Variants in WDFY3 observed in about 807,000 individuals in gnomAD.
WDFY3 encodes the protein WD repeat and FYVE domain containing 3.
Under a neutral mutation model 409.6 loss-of-function variants are expected in WDFY3, and 66 were observed. The observed-to-expected ratio is 0.16, with a 90% CI of 0.13 to 0.20. The LOEUF (loss-of-function observed/expected upper bound fraction) is 0.20. Ranked by LOEUF, WDFY3 falls within the 10% of genes least tolerant of loss-of-function variation. The pLI, the probability that WDFY3 is intolerant of heterozygous loss-of-function variation, is 1.00. For synonymous variants in WDFY3, 1,521 were observed against 1,537.1 expected (o/e 0.99, Z 0.25); for missense variants, 3,031 against 4,298.1 (o/e 0.71, Z 8.24).
intron 9 of WDFY3, among the ~76,000 whole-genome samples, chr4:84,828,614 G>T (rs538960132): frequency 3.9e-5 from 6 of 152,176 alleles, no homozygotes; most frequent in Non-Finnish European, 8.8e-5. Context: ...ATAAAAAGAA[G>T]GGAATAGGCC....
At chr4:84,913,627 A>G (rs114610534) in intron 2 of WDFY3, among the ~76,000 whole-genome samples, 1,713 of 152,254 alleles carry the variant, frequency 0.011, 28 homozygotes, top group African/African-American at 0.04. Context: ...ACATTAGACA[A>G]TCTGAAGAAG....
chr4:84,900,832 T>TA (rs1356679791), intron 2 of WDFY3, among the ~76,000 whole-genome samples: 1 of 152,234 alleles, frequency 6.6e-6, no homozygotes, highest in Non-Finnish European at 1.5e-5. Context: ...TTTTACTTTG[T>TA]AATAATCTAA....
At chr4:84,955,601 T>C (rs1774146414) in intron 1 of WDFY3, among the ~76,000 whole-genome samples, 1 of 152,210 alleles carries the variant, frequency 6.6e-6, no homozygotes, top group African/African-American at 2.4e-5. Context: ...AGTTATAAGA[T>C]ATTACTAATG....
intron 2 of WDFY3, among the ~76,000 whole-genome samples, chr4:84,928,396 T>C (rs1770290391): frequency 6.6e-6 from 1 of 152,184 alleles, no homozygotes; most frequent in South Asian, 2.1e-4. Flanking sequence ...ATGGTGAGAC[T>C]TCTCAGTCTC....
intron 10 of WDFY3, among the ~76,000 whole-genome samples, chr4:84,825,213 A>C (rs1754677885): frequency 6.6e-6 from 1 of 152,186 alleles, no homozygotes; most frequent in Non-Finnish European, 1.5e-5. Flanking sequence ...TATCAACATC[A>C]CATTGATAAA....
chr4:84,695,172 A>AG (rs1240482493), intron 58 of WDFY3, among the ~76,000 whole-genome samples: 1 of 152,074 alleles, frequency 6.6e-6, no homozygotes, highest in Non-Finnish European at 1.5e-5. Context: ...GGATGACAGA[A>AG]GGGATGAGGT....
chr4:84,938,915 T>C (rs1222062770), intron 1 of WDFY3, among the ~76,000 whole-genome samples: 1 of 152,180 alleles, frequency 6.6e-6, no homozygotes, highest in East Asian at 1.9e-4. Context: ...TACTTTCTCT[T>C]ATAAGGAAAG....
At chr4:84,922,540 T>C (rs950204554) in intron 2 of WDFY3, among the ~76,000 whole-genome samples, 1 of 152,214 alleles carries the variant, frequency 6.6e-6, no homozygotes, top group Non-Finnish European at 1.5e-5. Context: ...ATTCAGTCTA[T>C]AGCTGGGCTC....
At chr4:84,896,550 T>C (rs528639329) in intron 3 of WDFY3, among the ~76,000 whole-genome samples, 13 of 152,268 alleles carry the variant, frequency 8.5e-5, no homozygotes, top group Admixed American at 7.2e-4. Flanking sequence ...TAAAAGACCA[T>C]ACTGAAAAGA....
chr4:84,674,556 G>A (rs1348581254), intron 67 of WDFY3, among the ~76,000 whole-genome samples: 1 of 146,982 alleles, frequency 6.8e-6, no homozygotes, highest in African/African-American at 2.5e-5. Context: ...GGTGATAGAG[G>A]AAGACCCCAT....
At chr4:84,844,390 G>A in intron 5 of WDFY3, 1 of 1,262,638 alleles carries the variant, frequency 7.9e-7, no homozygotes, top group South Asian at 1.3e-5. Flanking sequence ...AACAATATTA[G>A]AACTCACAGC....
intron 3 of WDFY3, among the ~76,000 whole-genome samples, chr4:84,889,564 T>C (rs1277009221): frequency 6.6e-6 from 1 of 152,170 alleles, no homozygotes; most frequent in Non-Finnish European, 1.5e-5. Flanking sequence ...CTAGCAAGAA[T>C]AGGCGGCAGC....
intron 3 of WDFY3, among the ~76,000 whole-genome samples, chr4:84,880,769 G>A (rs1413058622): frequency 7.3e-6 from 1 of 137,184 alleles, no homozygotes. Flanking sequence ...CCAGGCTGGA[G>A]TGCAGTGATA....
chr4:84,683,657 T>C (rs770848537), intron 63 of WDFY3, among the ~76,000 whole-genome samples: 2 of 152,198 alleles, frequency 1.3e-5, no homozygotes, highest in Non-Finnish European at 2.9e-5. Flanking sequence ...AGTTCGCATG[T>C]TGAGCAATCC....
chr4:84,793,713 C>A (rs1305343275), intron 21 of WDFY3, among the ~76,000 whole-genome samples: 13 of 152,150 alleles, frequency 8.5e-5, no homozygotes. Context: ...AGCGTCATAA[C>A]AAGAATTTTA....
intron 10 of WDFY3, among the ~76,000 whole-genome samples, chr4:84,822,036 AT>A (rs1194362042): frequency 6.6e-6 from 1 of 152,134 alleles, no homozygotes; most frequent in Non-Finnish European, 1.5e-5. Flanking sequence ...GAACACTGTG[AT>A]TTTTATAAAT....
At chr4:84,834,565 C>T (rs1253025339) in intron 7 of WDFY3, among the ~76,000 whole-genome samples, 1 of 152,060 alleles carries the variant, frequency 6.6e-6, no homozygotes, top group African/African-American at 2.4e-5. Context: ...GCACAAAAAT[C>T]GCTTGAACCC....
chr4:84,739,362 C>T (rs552406647), intron 39 of WDFY3: 30 of 398,016 alleles, frequency 7.5e-5, no homozygotes, highest in African/African-American at 6.1e-4. Flanking sequence ...ATTTAACATG[C>T]CTTTTGATTA....
rs769778963 is a variant in WDFY3 at position 84,801,706 on chromosome 4, G to A, written c.2766C>T (p.Pro922=). Residue 922 remains proline, a synonymous_variant, in exon 17 of 68, where the codon CCC becomes CCT. Transcript: ENST00000295888. ...LADEDHSLHP[P]LQRMFERLAS... is the part of the protein sequence containing the mutation. The stretch of plus-strand genomic sequence containing the variant: ...CTAATCGTTCAAACATCCGCTGCAG[G>A]GGCGGGTGCAGTGAGTGGTCCTCAT... 5.6e-6 allele frequency: 9 copies of A among 1,612,060 alleles called. No individual in the cohort carries two copies. The highest frequency in any genetic ancestry group is 6.8e-6 in the Non-Finnish European group (8 of 1,179,300).
Sources: allele counts gnomAD v4.1 joint callset (sites outside exome capture counted in the v4.1 genomes callset), GRCh38; gene constraint gnomAD v4.1.1; transcripts MANE v1.5; gene names NCBI Gene and HGNC (gene_info 2026-07-23, HGNC 2026-07-21).